The following EYS variants were observed in gnomAD, a reference collection of about 807,000 sequenced individuals.
EYS encodes the protein EGF-like photoreceptor maintenance factor.
In EYS, 250 loss-of-function variants were observed where a neutral mutation model predicts 282.1. The ratio of observed to expected loss-of-function variants is 0.89; its 90% CI spans 0.80 to 0.98. The LOEUF (loss-of-function observed/expected upper bound fraction) is 0.98. Ranked by LOEUF, EYS falls within the 50% of genes least tolerant of loss-of-function variation. The pLI is 0.00. For missense variants in EYS, 4,016 were observed against 3,709.0 expected, an observed-to-expected ratio of 1.08 and a Z score of -2.15; for synonymous variants, 1,355 against 1,282.9, an observed-to-expected ratio of 1.06 and a Z score of -1.20.
intron 22 of EYS, among the ~76,000 whole-genome samples, chr6:64,793,494 C>T (rs1774254976): frequency 6.6e-6 from 1 of 152,054 alleles, no homozygotes; most frequent in South Asian, 2.1e-4. Context: ...TGCTCAAATG[C>T]ATATTGGATA....
At chr6:64,842,399 G>A (rs1030833695) in intron 19 of EYS, among the ~76,000 whole-genome samples, 5 of 151,706 alleles carry the variant, frequency 3.3e-5, no homozygotes, top group East Asian at 1.9e-4. Flanking sequence ...CCATAATTCC[G>A]TGTTGTGGGA....
Position 65,335,093 on chromosome 6 carries a change from C to T in EYS, c.1653G>A (p.Arg551=), listed in dbSNP as rs770564205. The T allele has an allele frequency of 1.9e-6, 3 of 1,612,040 alleles. No individual in the cohort carries two copies. Among genetic ancestry groups the T allele is most frequent in the Non-Finnish European group, 2.5e-6 (3 of 1,178,904 alleles). The change falls in exon 11 of 43, where the codon CGG becomes CGA. Residue 551 remains arginine, a synonymous_variant. Coordinates refer to ENST00000503581, the MANE Select transcript of EYS (RefSeq NM_001142800.2). ...CAGCCCATCTGAGAAAACATAGATACCGATATTCCTGACTGTCTTCTTCAC... is the reference window on the plus strand; with the variant it reads ...CAGCCCATCTGAGAAAACATAGATATCGATATTCCTGACTGTCTTCTTCAC... The part of the protein sequence containing the change: ...CLSEEDSQEY[R]YLCFLRWAGN...
chr6:64,388,931 T>C (rs934424920), intron 28 of EYS, 91 bp from the exon 29 acceptor site: 26 of 846,784 alleles, frequency 3.1e-5, no homozygotes, highest in Non-Finnish European at 4.0e-5. Context: ...AAGAATAATT[T>C]AAGTAAATAG....
chr6:64,335,877 A>C (rs1389953441), intron 29 of EYS, among the ~76,000 whole-genome samples: 1 of 152,162 alleles, frequency 6.6e-6, no homozygotes, highest in African/African-American at 2.4e-5. Flanking sequence ...CAGCAAAACT[A>C]AGTATCATGT....
At chr6:65,566,855 A>G (rs1318606276) in intron 2 of EYS, among the ~76,000 whole-genome samples, 4 of 152,176 alleles carry the variant, frequency 2.6e-5, no homozygotes, top group African/African-American at 9.6e-5. Context: ...ATTAACAGAA[A>G]GTACAAAATT....
At chr6:64,075,891 T>C (rs1346461972) in intron 32 of EYS, among the ~76,000 whole-genome samples, 1 of 151,980 alleles carries the variant, frequency 6.6e-6, no homozygotes, top group African/African-American at 2.4e-5. Context: ...ATCACATAAT[T>C]CTAGGTCAAG....
At position 64,179,468 on chromosome 6, in the gene EYS, C is replaced by T. The variant is rs550427477; in HGVS notation, c.6424+51124G>A. On this transcript the variant is annotated intron_variant, in intron 31 of 42. Coordinates refer to ENST00000503581, the MANE Select transcript of EYS (RefSeq NM_001142800.2). ...TGTGATGAAACTTAAGATATAAAACCGTGAGCTTATTACTTCTCATGAAAT... is the reference window on the plus strand; with the variant it reads ...TGTGATGAAACTTAAGATATAAAACTGTGAGCTTATTACTTCTCATGAAAT... Among the ~76,000 whole-genome samples the T allele has an allele frequency of 2.4e-4, 36 of 151,954 alleles. No individual in the cohort carries two copies. The South Asian group carries it at 6.6e-3, about 28-fold the overall frequency.
At chr6:65,533,010 A>T (rs1012839012) in intron 2 of EYS, among the ~76,000 whole-genome samples, 4 of 152,070 alleles carry the variant, frequency 2.6e-5, no homozygotes, top group Non-Finnish European at 5.9e-5. Flanking sequence ...ATTTTTAATA[A>T]TAAAAAAGGA....
intron 13 of EYS, among the ~76,000 whole-genome samples, chr6:65,019,190 A>C (rs1772162125): frequency 6.6e-6 from 1 of 152,196 alleles, no homozygotes; most frequent in Non-Finnish European, 1.5e-5. Flanking sequence ...CTTTATATTA[A>C]AATTTTTGTG....
chr6:65,473,105 A>T (rs1376354739), intron 5 of EYS, among the ~76,000 whole-genome samples: 1 of 152,028 alleles, frequency 6.6e-6, no homozygotes, highest in Non-Finnish European at 1.5e-5. Flanking sequence ...ATATTACATC[A>T]GGCTATCGGT....
At chr6:64,008,828 G>A (rs966893816) in intron 33 of EYS, among the ~76,000 whole-genome samples, 1 of 152,310 alleles carries the variant, frequency 6.6e-6, no homozygotes, top group South Asian at 2.1e-4. Context: ...TCTGCTGAAA[G>A]GTCTGCTGTT....
intron 26 of EYS, among the ~76,000 whole-genome samples, chr6:64,570,823 A>G (rs147382783): frequency 1.6e-3 from 242 of 152,276 alleles, no homozygotes; most frequent in African/African-American, 5.6e-3. Flanking sequence ...AGACTCCCAT[A>G]CAATAATGGT....
At chr6:64,027,606 G>T (rs1769592479) in intron 33 of EYS, among the ~76,000 whole-genome samples, 1 of 152,176 alleles carries the variant, frequency 6.6e-6, no homozygotes. Flanking sequence ...GTTCAGAGAA[G>T]ACAGAAAATG....
At chr6:64,577,287 T>A (rs531099276) in intron 26 of EYS, among the ~76,000 whole-genome samples, 1 of 152,246 alleles carries the variant, frequency 6.6e-6, no homozygotes, top group East Asian at 1.9e-4. Flanking sequence ...ATATATTCAC[T>A]ATTCCAGCAT....
At chr6:65,466,279 G>C (rs1012176859) in intron 5 of EYS, among the ~76,000 whole-genome samples, 1 of 152,046 alleles carries the variant, frequency 6.6e-6, no homozygotes, top group Non-Finnish European at 1.5e-5. Flanking sequence ...TGTATATACT[G>C]TTTTTATTAA....
Position 63,721,010 on chromosome 6 carries a change from A to G in EYS, c.9021T>C (p.Asp3007=). The G allele has an allele frequency of 6.4e-7, 1 of 1,551,342 alleles. No homozygotes were observed. The highest frequency in any genetic ancestry group is 8.7e-7 in the Non-Finnish European group (1 of 1,146,794). ...WMGIAQNEEN[D]FLAIGLHNQT... ...GATTATGGAGACCAATTGCCAGAAAATCATTTTCTTCATTTTGAGCTATTC... is the reference window on the plus strand; with the variant it reads ...GATTATGGAGACCAATTGCCAGAAAGTCATTTTCTTCATTTTGAGCTATTC... The change falls in exon 43 of 43, where the codon GAT becomes GAC. Residue 3007 remains aspartate (D), a synonymous_variant. Coordinates refer to ENST00000503581, the MANE Select transcript of EYS (RefSeq NM_001142800.2).
intron 12 of EYS, among the ~76,000 whole-genome samples, chr6:65,109,518 C>T (rs1455839159): frequency 4.6e-5 from 7 of 151,982 alleles, no homozygotes; most frequent in South Asian, 2.1e-4. Flanking sequence ...CTTTTCTGCA[C>T]GTGTGCTTAA....
At chr6:64,402,770 A>AT (rs921976421) in intron 28 of EYS, among the ~76,000 whole-genome samples, 2 of 152,006 alleles carry the variant, frequency 1.3e-5, no homozygotes, top group Non-Finnish European at 2.9e-5. Flanking sequence ...ATTCTGGTTG[A>AT]TTTTTTTCTT....
chr6:65,336,983 T>A (rs1770012852), intron 10 of EYS, among the ~76,000 whole-genome samples: 1 of 151,502 alleles, frequency 6.6e-6, no homozygotes, highest in Non-Finnish European at 1.5e-5. Flanking sequence ...TAAAATCATT[T>A]CTCTGCATAT....
Sources: gnomAD v4.1 joint callset for allele counts (sites outside exome capture counted in the v4.1 genomes callset) on GRCh38, gnomAD v4.1.1 for gene constraint, MANE v1.5 for transcripts, NCBI Gene and HGNC (gene_info 2026-07-23, HGNC 2026-07-21) for gene names.